Variants in MYO16 observed in about 807,000 individuals in gnomAD.
The protein encoded by MYO16 is unconventional myosin-XVI.
MYO16 carries 94 observed loss-of-function variants against 205.3 expected under a neutral mutation model. The observed-to-expected ratio is 0.46, with a 90% CI of 0.39 to 0.54. The LOEUF (loss-of-function observed/expected upper bound fraction) is 0.54. MYO16 is among the 20% of genes least tolerant of loss of function. The pLI, the probability that MYO16 is intolerant of heterozygous loss-of-function variation, is 0.00. For synonymous variants in MYO16, 988 were observed against 954.0 expected, an observed-to-expected ratio of 1.04 and a Z score of -0.66; for missense variants, 2,315 against 2,387.5, an observed-to-expected ratio of 0.97 and a Z score of 0.63.
At chr13:108,575,724 G>T in the MYO16 span, among the ~76,000 whole-genome samples, 1 of 152,040 alleles carries the variant, frequency 6.6e-6, no homozygotes, top group African/African-American at 2.4e-5. Context: ...TCCCCTGCCC[G>T]CCCGCGTATA....
chr13:109,123,466 AAG>A (rs1257354304), intron 29 of MYO16, among the ~76,000 whole-genome samples: 1 of 152,166 alleles, frequency 6.6e-6, no homozygotes, highest in African/African-American at 2.4e-5. Flanking sequence ...TGTAACAAGA[AAG>A]AACGAGTGAA....
At chr13:108,516,475 C>T in the MYO16 span, among the ~76,000 whole-genome samples, 686 of 152,272 alleles carry the variant, frequency 4.5e-3, 1 homozygote, top group Middle Eastern at 0.014. Flanking sequence ...CGGAGCTGTT[C>T]CTATTCGGCC....
rs1275837018 is a variant in MYO16, at chr13:108,636,361, TTTTTTTTTTGTGTG to T, written c.28+6491_28+6504del. Among the ~76,000 whole-genome samples, 435 of 95,198 alleles carry T rather than the reference TTTTTTTTTTGTGTG, an allele frequency of 4.6e-3. 1 individual carries two copies. Among genetic ancestry groups the T allele is most frequent in the African/African-American group, 0.014 (323 of 23,648 alleles). The allele number at this position is 95,198 out of a possible 152,430, so 62.5% of individuals were successfully genotyped here. On this transcript the variant is annotated intron_variant, in intron 1 of 34. Transcript: ENST00000457511. Reference sequence around the variant, plus strand: ...AAATATTTCCCTTTTTTTTTTTTTTTTTTTTTTTTGTGTGTGTGTGTGTGTGTGTGTGTGTGTGT... The same window carrying T: ...AAATATTTCCCTTTTTTTTTTTTTTTTGTGTGTGTGTGTGTGTGTGTGTGT...
At chr13:108,918,430 T>C (rs1045287675) in intron 16 of MYO16, among the ~76,000 whole-genome samples, 2 of 152,346 alleles carry the variant, frequency 1.3e-5, no homozygotes, top group Middle Eastern at 3.4e-3. Flanking sequence ...CTAATAACTC[T>C]ATGAGACTGT....
Position 108,987,188 on chromosome 13 carries a change from G to A in MYO16, c.2370-5188G>A, listed in dbSNP as rs1884670835. 2.0e-5 allele frequency among the ~76,000 whole-genome samples: 3 copies of A among 152,200 alleles called. No homozygotes were observed. In the South Asian group the frequency reaches 6.2e-4, roughly 31 times the overall value. ...ACTGCATCTAGGAAGATGCTAGTTT[G>A]TACAATACCATATAGAATAGAGAAG... is the stretch of plus-strand genomic sequence containing the variant. On this transcript the variant is annotated intron_variant, in intron 20 of 34. Coordinates refer to ENST00000457511, the MANE Select transcript of MYO16 (RefSeq NM_001198950.3).
At chr13:108,974,223 G>T (rs1884168356) in intron 20 of MYO16, among the ~76,000 whole-genome samples, 1 of 152,096 alleles carries the variant, frequency 6.6e-6, no homozygotes, top group African/African-American at 2.4e-5. Flanking sequence ...AAATATAAGA[G>T]AATATTTTTT....
chr13:108,907,717 A>C lies in MYO16; in HGVS notation c.1778-2286A>C, dbSNP rs1881056551. ...GCAATTTTATTCACTGCTGGAGATG[A>C]GCTAACCAGGTTGATTAATAATTAC... is the stretch of plus-strand genomic sequence containing the variant. On this transcript the variant is annotated intron_variant, in intron 15 of 34. Transcript: ENST00000457511. Among the ~76,000 whole-genome samples the C allele has an allele frequency of 3.3e-5, 5 of 152,350 alleles. No individual in the cohort carries two copies. In the South Asian group the frequency reaches 1.0e-3, roughly 32 times the overall value.
chr13:108,635,205 A>G (rs1456511337), intron 1 of MYO16, among the ~76,000 whole-genome samples: 4 of 152,180 alleles, frequency 2.6e-5, no homozygotes, highest in Non-Finnish European at 4.4e-5. Context: ...ACTTCAGATT[A>G]CCACAACCAG....
At chr13:108,733,820 T>A (rs978865707) in intron 4 of MYO16, among the ~76,000 whole-genome samples, 4 of 151,918 alleles carry the variant, frequency 2.6e-5, no homozygotes, top group African/African-American at 9.7e-5. Flanking sequence ...ATACGAAAAA[T>A]TAGCTGGGCA....
chr13:108,650,029 G>A (rs958345916), intron 1 of MYO16, among the ~76,000 whole-genome samples: 5 of 152,078 alleles, frequency 3.3e-5, no homozygotes, highest in Admixed American at 2.0e-4. Context: ...GCATTGTAAA[G>A]CCAAAATTTA....
chr13:109,003,413 C>T (rs535544728), intron 21 of MYO16, among the ~76,000 whole-genome samples: 37 of 152,272 alleles, frequency 2.4e-4, no homozygotes, highest in Non-Finnish European at 4.9e-4. Context: ...TCGCCACTGA[C>T]GCTGCAGCTT....
intron 28 of MYO16, among the ~76,000 whole-genome samples, chr13:109,113,629 T>C (rs941864750): frequency 6.6e-6 from 1 of 152,182 alleles, no homozygotes; most frequent in East Asian, 1.9e-4. Context: ...ATAGAACTTA[T>C]GACTAAATGG....
intron 4 of MYO16, among the ~76,000 whole-genome samples, chr13:108,775,525 T>A (rs1289725954): frequency 3.9e-5 from 6 of 152,044 alleles, no homozygotes; most frequent in Admixed American, 2.0e-4. Flanking sequence ...TGGTTTTTTT[T>A]AAATAAAAGC....
chr13:108,751,450 TATAA>T (rs1395364528), intron 4 of MYO16, among the ~76,000 whole-genome samples: 1 of 152,106 alleles, frequency 6.6e-6, no homozygotes, highest in Non-Finnish European at 1.5e-5. Flanking sequence ...CCATAAATAA[TATAA>T]AGAAATGCGG....
chr13:108,597,067 C>A (rs567153223), intron 1 of MYO16, among the ~76,000 whole-genome samples: 1 of 152,116 alleles, frequency 6.6e-6, no homozygotes, highest in African/African-American at 2.4e-5. Flanking sequence ...CTATATACAT[C>A]TATTATGCAT....
At chr13:108,906,100 A>G (rs979402712) in intron 15 of MYO16, among the ~76,000 whole-genome samples, 5 of 152,184 alleles carry the variant, frequency 3.3e-5, no homozygotes, top group Admixed American at 6.5e-5. Context: ...TAGCGTTCCC[A>G]TGAATATTCA....
intron 1 of MYO16, among the ~76,000 whole-genome samples, chr13:108,615,681 G>A (rs1879325922): frequency 6.6e-6 from 1 of 152,082 alleles, no homozygotes; most frequent in East Asian, 1.9e-4. Context: ...TATGCTAAGT[G>A]AAAAAAGTTA....
At chr13:108,682,384 T>C (rs1882497666) in intron 2 of MYO16, among the ~76,000 whole-genome samples, 1 of 151,908 alleles carries the variant, frequency 6.6e-6, no homozygotes, top group Non-Finnish European at 1.5e-5. Flanking sequence ...TGTCAGGCTT[T>C]TACTGACGTT....
chr13:108,816,358 TAAAAG>T (rs1258065000), intron 7 of MYO16, among the ~76,000 whole-genome samples: 1 of 152,036 alleles, frequency 6.6e-6, no homozygotes, highest in African/African-American at 2.4e-5. Flanking sequence ...CTTGAAAAAT[TAAAAG>T]AAATTAAGTT....
Sources: gnomAD v4.1 joint callset for allele counts (sites outside exome capture counted in the v4.1 genomes callset) on GRCh38, gnomAD v4.1.1 for gene constraint, MANE v1.5 for transcripts, NCBI Gene and HGNC (gene_info 2026-07-23, HGNC 2026-07-21) for gene names.